Variants in ARMC2 observed in about 807,000 individuals in gnomAD.
ARMC2 encodes the protein armadillo repeat-containing protein 2.
In ARMC2, 67 loss-of-function variants were observed where a neutral mutation model predicts 90.3. The observed-to-expected ratio is 0.74, with a 90% CI of 0.61 to 0.91. The LOEUF is 0.91. Ranked by LOEUF, ARMC2 falls within the 40% of genes least tolerant of loss-of-function variation. The probability of loss-of-function intolerance (pLI) is 0.00; values close to 1 mark genes in which losing one functional copy is unlikely to be tolerated. For synonymous variants in ARMC2, 393 were observed against 393.0 expected, an observed-to-expected ratio of 1.00 and a Z score of 0.00; for missense variants, 920 against 1,030.9, an observed-to-expected ratio of 0.89 and a Z score of 1.47.
the ARMC2 span, chr6:109,000,760 T>A: frequency 9.2e-7 from 1 of 1,092,530 alleles, no homozygotes; most frequent in Non-Finnish European, 1.2e-6. Context: ...AAGAGCTAAT[T>A]AAGTTTATTA....
At chr6:108,942,962 C>T (rs1562413934) in intron 12 of ARMC2, among the ~76,000 whole-genome samples, 1 of 152,182 alleles carries the variant, frequency 6.6e-6, no homozygotes, top group Non-Finnish European at 1.5e-5. Context: ...GTCACCTACA[C>T]ATGCCTCTTG....
chr6:108,904,869 G>A (rs534885998), intron 8 of ARMC2, among the ~76,000 whole-genome samples: 2 of 152,218 alleles, frequency 1.3e-5, no homozygotes, highest in African/African-American at 2.4e-5. Flanking sequence ...GGTGCTTTAG[G>A]AACCAGTGTG....
the ARMC2 span, among the ~76,000 whole-genome samples, chr6:109,033,880 C>G: frequency 6.6e-6 from 1 of 152,180 alleles, no homozygotes; most frequent in South Asian, 2.1e-4. Flanking sequence ...GATAAGATGA[C>G]AATCAGATGG....
At chr6:109,043,350 G>A in the ARMC2 span, among the ~76,000 whole-genome samples, 1 of 151,966 alleles carries the variant, frequency 6.6e-6, no homozygotes, top group Admixed American at 6.6e-5. Flanking sequence ...GGGCAATAAG[G>A]CAAGAAAAGT....
At chr6:109,037,560 A>G in the ARMC2 span, among the ~76,000 whole-genome samples, 5 of 152,352 alleles carry the variant, frequency 3.3e-5, no homozygotes, top group East Asian at 5.8e-4. Flanking sequence ...TAAAACAATT[A>G]TAAGTTGGGT....
At chr6:109,039,122 GAGA>G in the ARMC2 span, among the ~76,000 whole-genome samples, 21 of 146,388 alleles carry the variant, frequency 1.4e-4, no homozygotes, top group Non-Finnish European at 2.1e-4. Context: ...AAGGAAGGAG[GAGA>G]AGGAGAAAGA....
intron 11 of ARMC2, 114 bp downstream of exon 11, chr6:108,928,347 T>C: frequency 8.7e-7 from 1 of 1,146,692 alleles, no homozygotes; most frequent in East Asian, 2.7e-5. Flanking sequence ...TCTTTTTACT[T>C]CGCCTACCAG....
chr6:108,987,516 C>T, the ARMC2 span: 7 of 1,298,808 alleles, frequency 5.4e-6, no homozygotes, highest in Non-Finnish European at 7.8e-6. Flanking sequence ...CTGATCATTC[C>T]AGAATCATCT....
Position 108,929,579 on chromosome 6 carries a change from G to A in ARMC2, c.1496+1346G>A, listed in dbSNP as rs955207182. The stretch of plus-strand genomic sequence containing the variant: ...CAGCCTCGACTGCCCAGGCTTAAAC[G>A]ATCGATCCTCCCACCTCAGCCTCCC... On this transcript the variant is annotated intron_variant, in intron 11 of 17. Coordinates refer to ENST00000392644, the MANE Select transcript of ARMC2 (RefSeq NM_032131.6). Among the ~76,000 whole-genome samples, 12 of 152,182 alleles carry A rather than the reference G, an allele frequency of 7.9e-5. No individual in the cohort carries two copies. In the East Asian group the frequency reaches 2.1e-3, roughly 27 times the overall value.
chr6:108,925,318 T>C (rs1236347226), intron 10 of ARMC2, among the ~76,000 whole-genome samples: 2 of 152,208 alleles, frequency 1.3e-5, no homozygotes, highest in Non-Finnish European at 2.9e-5. Context: ...ATCCCAGTCT[T>C]TCCTTTGTAG....
At chr6:108,905,231 T>TA (rs1433639874) in intron 8 of ARMC2, among the ~76,000 whole-genome samples, 2 of 152,360 alleles carry the variant, frequency 1.3e-5, no homozygotes, top group Admixed American at 6.5e-5. Flanking sequence ...TTGGCGTACT[T>TA]ACTGTTAGTT....
At chr6:108,855,089 A>G (rs919926887) in intron 2 of ARMC2, among the ~76,000 whole-genome samples, 8 of 152,152 alleles carry the variant, frequency 5.3e-5, no homozygotes, top group African/African-American at 1.7e-4. Context: ...TTTAGTGCTG[A>G]ATAATATTCC....
At chr6:108,876,519 A>AT (rs1562341238) in intron 5 of ARMC2, among the ~76,000 whole-genome samples, 169 bp downstream of exon 5, 1 of 152,180 alleles carries the variant, frequency 6.6e-6, no homozygotes, top group Admixed American at 6.5e-5. Context: ...AATGGAGTTG[A>AT]TTTTTGTATC....
the ARMC2 span, among the ~76,000 whole-genome samples, chr6:109,038,848 A>G: frequency 6.6e-6 from 1 of 151,986 alleles, no homozygotes; most frequent in Non-Finnish European, 1.5e-5. Context: ...GAAAGGAAAA[A>G]GAAGAGCAAG....
chr6:108,970,853 C>T (rs914058795), intron 17 of ARMC2, among the ~76,000 whole-genome samples: 1 of 152,130 alleles, frequency 6.6e-6, no homozygotes, highest in African/African-American at 2.4e-5. Context: ...TATTTTTATA[C>T]AGCAGAATTC....
At chr6:108,981,548 C>T in the ARMC2 span, among the ~76,000 whole-genome samples, 1 of 152,036 alleles carries the variant, frequency 6.6e-6, no homozygotes. Flanking sequence ...TACTTGATAT[C>T]TTATATAAGT....
chr6:108,957,111 C>G (rs1777643009), intron 13 of ARMC2, among the ~76,000 whole-genome samples: 2 of 152,242 alleles, frequency 1.3e-5, no homozygotes, highest in Non-Finnish European at 2.9e-5. Context: ...AAACCCTGCT[C>G]TCCTGTGATG....
At chr6:108,948,943 G>T (rs1281577640) in intron 12 of ARMC2, among the ~76,000 whole-genome samples, 3 of 152,110 alleles carry the variant, frequency 2.0e-5, no homozygotes, top group Admixed American at 1.3e-4. Flanking sequence ...CTGGAGGTGG[G>T]ACAGGGCTGG....
In ARMC2 at chr6:108,848,519, C is replaced by G. The variant is rs1267576853; in HGVS notation, c.-71C>G. On this transcript the variant is annotated 5_prime_UTR_variant, in exon 1 of 18. Transcript: ENST00000392644. ...CCGGAGGATGAATTGAACCTCGCAGCCGCTGCTATCTCCAGTGCTCATCAC... is the reference window on the plus strand; with the variant it reads ...CCGGAGGATGAATTGAACCTCGCAGGCGCTGCTATCTCCAGTGCTCATCAC... 2 of 152,382 alleles carry G rather than the reference C, an allele frequency of 1.3e-5. No individual in the cohort carries two copies. Among genetic ancestry groups the G allele is most frequent in the Non-Finnish European group, 2.9e-5 (2 of 68,152 alleles). The allele number at this position is 152,382 out of a possible 1,614,324, so 9.4% of individuals were successfully genotyped here.
Sources: gnomAD v4.1 joint callset for allele counts (sites outside exome capture counted in the v4.1 genomes callset) on GRCh38, gnomAD v4.1.1 for gene constraint, MANE v1.5 for transcripts, NCBI Gene and HGNC (gene_info 2026-07-23, HGNC 2026-07-21) for gene names.